Variants in CRTC3 observed in about 807,000 individuals in gnomAD.
The protein encoded by CRTC3 is CREB-regulated transcription coactivator 3.
A neutral mutation model predicts 74.5 loss-of-function variants in CRTC3; 26 were observed. The ratio of observed to expected loss-of-function variants is 0.35; its 90% CI spans 0.26 to 0.48. The LOEUF is 0.48. Among genes scored for constraint, CRTC3 ranks in the 20% least tolerant of loss-of-function variants. The pLI is 0.99. For synonymous variants in CRTC3, 377 were observed against 325.8 expected (o/e 1.16, Z -1.69); for missense variants, 760 against 787.3 (o/e 0.97, Z 0.41).
At chr15:90,548,250 CT>C (rs1164385624) in intron 2 of CRTC3, among the ~76,000 whole-genome samples, 5 of 152,140 alleles carry the variant, frequency 3.3e-5, no homozygotes, top group African/African-American at 9.7e-5. Context: ...ACTAATTGTA[CT>C]TTTTACATCT....
chr15:90,559,854 G>A (rs8026115), intron 2 of CRTC3, among the ~76,000 whole-genome samples: 108 of 152,312 alleles, frequency 7.1e-4, no homozygotes, highest in African/African-American at 2.4e-3. Context: ...TGATGGCCAC[G>A]TTGGTCTCGA....
intron 7 of CRTC3, among the ~76,000 whole-genome samples, chr15:90,616,622 A>G (rs1412408277): frequency 1.3e-5 from 2 of 152,148 alleles, no homozygotes; most frequent in South Asian, 4.1e-4. Flanking sequence ...TGGTGTCCCT[A>G]ACTTGGAATC....
intron 1 of CRTC3, among the ~76,000 whole-genome samples, chr15:90,537,041 A>G (rs1373584557): frequency 1.3e-5 from 2 of 152,218 alleles, no homozygotes; most frequent in African/African-American, 4.8e-5. Context: ...AATGTGGCCT[A>G]TGGGCTGCCA....
chr15:90,547,477 A>G (rs755041319), intron 2 of CRTC3, among the ~76,000 whole-genome samples: 4 of 152,214 alleles, frequency 2.6e-5, no homozygotes, highest in Non-Finnish European at 4.4e-5. Flanking sequence ...TTCTATCCTA[A>G]TGGAGGATCT....
intron 11 of CRTC3, chr15:90,634,841 A>AAAAGT (rs1969174376): frequency 6.5e-7 from 1 of 1,535,402 alleles, no homozygotes; most frequent in Non-Finnish European, 8.9e-7. Context: ...AATCTCAAGG[A>AAAAGT]AAAGTATTGC....
intron 9 of CRTC3, among the ~76,000 whole-genome samples, chr15:90,623,616 C>T (rs1220934697): frequency 3.2e-4 from 48 of 152,264 alleles, no homozygotes; most frequent in Non-Finnish European, 1.5e-5. Context: ...GCGGCCTCTC[C>T]ACCTCCAGGC....
chr15:90,602,273 TCTG>T (rs2151081773), intron 3 of CRTC3, 48 bp from the exon 4 acceptor site: 6 of 1,133,128 alleles, frequency 5.3e-6, no homozygotes, highest in Non-Finnish European at 8.0e-6. Flanking sequence ...CCTTGTTAAT[TCTG>T]CTTCATCTTT....
chr15:90,601,350 G>A (rs569178885), intron 3 of CRTC3, among the ~76,000 whole-genome samples: 1 of 152,056 alleles, frequency 6.6e-6, no homozygotes, highest in South Asian at 2.1e-4. Context: ...CTCTTTTTTG[G>A]TTATAAATAC....
chr15:90,548,112 C>T (rs547367809), intron 2 of CRTC3, among the ~76,000 whole-genome samples: 7 of 152,118 alleles, frequency 4.6e-5, no homozygotes, highest in Admixed American at 2.0e-4. Context: ...TGGTCTCGAA[C>T]TCCTGAGCTC....
intron 3 of CRTC3, chr15:90,596,540 G>A (rs1257089978): frequency 6.6e-6 from 1 of 152,224 alleles, no homozygotes; most frequent in Non-Finnish European, 1.5e-5. Flanking sequence ...CCATGTCTCT[G>A]TGGTCTCCTA....
chr15:90,592,591 T>C (rs1967825844), intron 2 of CRTC3, among the ~76,000 whole-genome samples: 1 of 152,246 alleles, frequency 6.6e-6, no homozygotes, highest in African/African-American at 2.4e-5. Flanking sequence ...TTTGGATTTA[T>C]TGACCATGAA....
Position 90,641,181 on chromosome 15 carries a change from C to T in CRTC3, c.1633C>T (p.Pro545Ser), listed in dbSNP as rs1316188974. Reference sequence around the variant, plus strand: ...CCCGTATTCCAACTGCGGGAGTCTCCCGAACACCATCCTGCCAGGTGAGCG... The same window carrying T: ...CCCGTATTCCAACTGCGGGAGTCTCTCGAACACCATCCTGCCAGGTGAGCG... ...PSPYSNCGSL[P>S]NTILPEDSST... Residue 545 changes from proline to serine, a missense_variant, in exon 14 of 15, where the codon CCG (proline) becomes TCG (serine). Transcript: ENST00000268184. The T allele has an allele frequency of 6.2e-6, 10 of 1,612,720 alleles. No individual in the cohort carries two copies. The highest frequency in any genetic ancestry group is 1.7e-5 in the Admixed American group (1 of 59,978).
intron 2 of CRTC3, among the ~76,000 whole-genome samples, chr15:90,573,204 G>A (rs755839839): frequency 4.6e-5 from 7 of 152,188 alleles, no homozygotes. Flanking sequence ...GTAGAAACAA[G>A]TCACAGGTGT....
At chr15:90,588,264 A>G (rs1262359366) in intron 2 of CRTC3, among the ~76,000 whole-genome samples, 2 of 151,110 alleles carry the variant, frequency 1.3e-5, no homozygotes, top group Admixed American at 6.6e-5. Flanking sequence ...TGTCTCAAAA[A>G]AAAAAAAAAG....
At chr15:90,613,926 A>C (rs1251163207) in intron 6 of CRTC3, 1 of 152,388 alleles carries the variant, frequency 6.6e-6, no homozygotes, top group Non-Finnish European at 1.5e-5. Flanking sequence ...TAGCTATCTC[A>C]TGTACCCTTT....
rs745307366 is a variant in CRTC3 at position 90,629,227 on chromosome 15, C to A, written c.968-7C>A. 6.2e-7 allele frequency: 1 copy of A among 1,605,776 alleles called. No individual in the cohort carries two copies. The highest frequency in any genetic ancestry group is 1.3e-5 in the African/African-American group (1 of 74,668). On this transcript the variant is annotated splice_region_variant and splice_polypyrimidine_tract_variant and intron_variant, in intron 10 of 14. Transcript: ENST00000268184. ...TATAAGTAACTTGTGAATTTGTTGTCTTCCAGGTCTCCAGAGTTCTCGGAG... is the reference window on the plus strand; with the variant it reads ...TATAAGTAACTTGTGAATTTGTTGTATTCCAGGTCTCCAGAGTTCTCGGAG...
intron 9 of CRTC3, among the ~76,000 whole-genome samples, chr15:90,622,251 A>AG (rs1968676789): frequency 6.6e-6 from 1 of 152,172 alleles, no homozygotes; most frequent in Admixed American, 6.5e-5. Context: ...TGACTCCGTT[A>AG]GGTAGTAACT....
chr15:90,621,447 C>T (rs761839432), intron 9 of CRTC3, among the ~76,000 whole-genome samples: 13 of 152,110 alleles, frequency 8.5e-5, no homozygotes, highest in Non-Finnish European at 1.8e-4. Context: ...CTCAGCCTCC[C>T]AAGTAGCTGG....
intron 2 of CRTC3, among the ~76,000 whole-genome samples, chr15:90,541,663 A>G (rs1966803248): frequency 6.6e-6 from 1 of 152,192 alleles, no homozygotes; most frequent in East Asian, 1.9e-4. Flanking sequence ...TGTGTCTGAG[A>G]TCCCAATTTT....
Sources: gnomAD v4.1 joint callset for allele counts (sites outside exome capture counted in the v4.1 genomes callset) on GRCh38, gnomAD v4.1.1 for gene constraint, MANE v1.5 for transcripts, NCBI Gene and HGNC (gene_info 2026-07-23, HGNC 2026-07-21) for gene names.